Variants in DTNB observed in about 807,000 individuals in gnomAD.
The protein encoded by DTNB is DTN-B.
Under a neutral mutation model 90.7 loss-of-function variants are expected in DTNB, and 63 were observed. That is an observed-to-expected ratio of 0.69 (90% confidence interval 0.57 to 0.86). The LOEUF is 0.86. DTNB is among the 40% of genes least tolerant of loss of function. The pLI is 0.00. For missense variants in DTNB, 744 were observed against 807.1 expected (o/e 0.92, Z 0.95); for synonymous variants, 277 against 286.7 (o/e 0.97, Z 0.34).
intron 16 of DTNB, among the ~76,000 whole-genome samples, chr2:25,400,890 A>T (rs554005794): frequency 2.0e-5 from 3 of 152,318 alleles, no homozygotes; most frequent in Admixed American, 2.0e-4. Context: ...GAAACATTAC[A>T]ATCTGATAAG....
At chr2:25,633,218 A>T (rs1198525539) in intron 3 of DTNB, among the ~76,000 whole-genome samples, 3 of 151,346 alleles carry the variant, frequency 2.0e-5, no homozygotes, top group Non-Finnish European at 3.0e-5. Context: ...TGCCGAGCCG[A>T]AGCTGGACTG....
intron 1 of DTNB, among the ~76,000 whole-genome samples, chr2:25,664,586 G>A (rs556512062): frequency 6.6e-6 from 1 of 152,224 alleles, no homozygotes; most frequent in South Asian, 2.1e-4. Flanking sequence ...GTCAACCTAT[G>A]GGTCAAATAC....
At chr2:25,498,543 G>C (rs944208193) in intron 9 of DTNB, among the ~76,000 whole-genome samples, 1 of 152,088 alleles carries the variant, frequency 6.6e-6, no homozygotes, top group African/African-American at 2.4e-5. Context: ...AACAATAATG[G>C]GTAAAATTAA....
intron 3 of DTNB, among the ~76,000 whole-genome samples, chr2:25,629,285 T>G (rs1396541665): frequency 6.6e-6 from 1 of 152,234 alleles, no homozygotes; most frequent in African/African-American, 2.4e-5. Context: ...AAAGGAAATC[T>G]GAAAGTATAC....
At chr2:25,433,287 G>A (rs567418968) in intron 13 of DTNB, among the ~76,000 whole-genome samples, 5 of 152,250 alleles carry the variant, frequency 3.3e-5, no homozygotes, top group African/African-American at 9.6e-5. Flanking sequence ...TATTTACTCC[G>A]TTCCACTCAG....
rs368829468 is a variant in DTNB at position 25,423,143 on chromosome 2, G to A, written c.1555-3608C>T. Among the ~76,000 whole-genome samples the A allele has an allele frequency of 8.5e-5, 13 of 152,284 alleles. No homozygotes were observed. In the East Asian group the frequency reaches 2.5e-3, roughly 29 times the overall value. ...ATCCGGGAGGCAGAGGTTGCAGGGA[G>A]CCAAGATTGTGCCACTGCACCCCAG... On this transcript the variant is annotated intron_variant, in intron 15 of 20. Coordinates refer to ENST00000406818, the MANE Select transcript of DTNB (RefSeq NM_021907.5).
chr2:25,445,342 G>T (rs1320997737), intron 12 of DTNB, among the ~76,000 whole-genome samples: 1 of 151,994 alleles, frequency 6.6e-6, no homozygotes, highest in Non-Finnish European at 1.5e-5. Flanking sequence ...CTTCTATTCT[G>T]TTCCATTTCA....
Position 25,450,149 on chromosome 2 carries a change from T to C in DTNB, c.1257+1399A>G, listed in dbSNP as rs200864820. On this transcript the variant is annotated intron_variant, in intron 12 of 20. Transcript: ENST00000406818. ...AAGAGAATGAAGAATTATTCTCCTA[T>C]ACTTTTAGTAGCTTTATGGTTTTAG... Among the ~76,000 whole-genome samples, 22 of 152,356 alleles carry C rather than the reference T, an allele frequency of 1.4e-4. No individual in the cohort carries two copies. In the East Asian group the frequency reaches 3.7e-3, roughly 25 times the overall value.
chr2:25,673,210 G>A (rs890550706), intron 1 of DTNB, among the ~76,000 whole-genome samples, 176 bp downstream of exon 1: 5 of 151,372 alleles, frequency 3.3e-5, no homozygotes, highest in African/African-American at 1.2e-4. Flanking sequence ...TCGCAGCCGC[G>A]CGCGGTGCAG....
At chr2:25,536,480 T>A (rs2079800548) in intron 8 of DTNB, among the ~76,000 whole-genome samples, 1 of 151,858 alleles carries the variant, frequency 6.6e-6, no homozygotes, top group Non-Finnish European at 1.5e-5. Context: ...GGCGGGCAGA[T>A]CACCCGAGGC....
intron 2 of DTNB, among the ~76,000 whole-genome samples, chr2:25,645,678 C>T (rs890036643): frequency 6.6e-6 from 1 of 152,052 alleles, no homozygotes; most frequent in Non-Finnish European, 1.5e-5. Context: ...TAGGCTCAAG[C>T]AATCCACCTG....
At chr2:25,473,662 G>A (rs768226085) in intron 10 of DTNB, among the ~76,000 whole-genome samples, 3 of 152,154 alleles carry the variant, frequency 2.0e-5, no homozygotes, top group Admixed American at 6.5e-5. Context: ...TGTGAGATTC[G>A]CTGGAAGAAT....
At chr2:25,503,999 G>A (rs1434246499) in intron 9 of DTNB, among the ~76,000 whole-genome samples, 1 of 152,174 alleles carries the variant, frequency 6.6e-6, no homozygotes, top group Non-Finnish European at 1.5e-5. Context: ...TGGGCGCAGT[G>A]GCTCACGCCT....
intron 8 of DTNB, among the ~76,000 whole-genome samples, chr2:25,543,529 C>G (rs1226663453): frequency 6.6e-6 from 1 of 152,098 alleles, no homozygotes; most frequent in Non-Finnish European, 1.5e-5. Context: ...GTCAGGAACT[C>G]CTGACCTCAA....
In DTNB at chr2:25,531,489, C is replaced by A; in HGVS notation, c.985G>T (p.Asp329Tyr). ...TATACTTACACTATATGTGCAAGGTCAAGTGGTTTCTCTGGTTGCTCAGGA... is the reference window on the plus strand; with the variant it reads ...TATACTTACACTATATGTGCAAGGTAAAGTGGTTTCTCTGGTTGCTCAGGA... The part of the protein sequence containing the change: ...VFPEQPEKPL[D>Y]LAHIVPPRPL... Residue 329 changes from aspartate (D) to tyrosine (Y), a missense_variant, in exon 9 of 21, where the codon GAC becomes TAC. By Grantham distance (160) the Asp-to-Tyr change is radical. Coordinates refer to ENST00000406818, the MANE Select transcript of DTNB (RefSeq NM_021907.5). 6.2e-7 allele frequency: 1 copy of A among 1,613,880 alleles called. No homozygotes were observed. Among genetic ancestry groups the A allele is most frequent in the East Asian group, 2.2e-5 (1 of 44,878 alleles).
intron 10 of DTNB, among the ~76,000 whole-genome samples, chr2:25,469,588 G>T (rs1221890243): frequency 6.6e-6 from 1 of 152,116 alleles, no homozygotes; most frequent in Admixed American, 6.5e-5. Flanking sequence ...TGGGACTATA[G>T]GCACTTACCA....
intron 8 of DTNB, among the ~76,000 whole-genome samples, chr2:25,536,892 G>A (rs1189342508): frequency 6.6e-6 from 1 of 152,134 alleles, no homozygotes; most frequent in Non-Finnish European, 1.5e-5. Flanking sequence ...ACAGGCGCGT[G>A]CCACCATGCC....
intron 18 of DTNB, among the ~76,000 whole-genome samples, chr2:25,384,941 C>T (rs1481840660): frequency 3.3e-5 from 5 of 151,684 alleles, no homozygotes; most frequent in South Asian, 2.1e-4. Context: ...TACAGCGGCG[C>T]GATCTTGGCT....
At chr2:25,641,099 C>A (rs935736295) in intron 2 of DTNB, among the ~76,000 whole-genome samples, 1 of 152,132 alleles carries the variant, frequency 6.6e-6, no homozygotes, top group African/African-American at 2.4e-5. Context: ...GGTACAGTCA[C>A]GAATCAAGGG....
Sources: gnomAD v4.1 joint callset for allele counts (sites outside exome capture counted in the v4.1 genomes callset) on GRCh38, gnomAD v4.1.1 for gene constraint, MANE v1.5 for transcripts, NCBI Gene and HGNC (gene_info 2026-07-23, HGNC 2026-07-21) for gene names.